Variants in RNF216 observed in about 807,000 individuals in gnomAD.
RNF216 encodes ring finger protein 216.
RNF216 carries 72 observed loss-of-function variants against 110.8 expected under a neutral mutation model. The observed-to-expected ratio is 0.65, with a 90% CI of 0.54 to 0.79. The LOEUF (loss-of-function observed/expected upper bound fraction) is 0.79. RNF216 is among the 30% of genes least tolerant of loss of function. The pLI, the probability that RNF216 is intolerant of heterozygous loss-of-function variation, is 0.00. For synonymous variants in RNF216, 495 were observed against 407.5 expected (o/e 1.21, Z -2.59); for missense variants, 1,342 against 1,141.2 (o/e 1.18, Z -2.54).
intron 1 of RNF216, among the ~76,000 whole-genome samples, chr7:5,780,637 A>G (rs1797028837): frequency 6.6e-6 from 1 of 151,692 alleles, no homozygotes; most frequent in African/African-American, 2.4e-5. Flanking sequence ...TCCGGGAGGC[A>G]GAGCTTGCAG....
chr7:5,775,136 C>CTGT (rs1475556361), intron 1 of RNF216: 1 of 152,172 alleles, frequency 6.6e-6, no homozygotes, highest in African/African-American at 2.4e-5. Flanking sequence ...AAGACTGGAG[C>CTGT]TGTTATTCAC....
rs1787720565 is a variant in RNF216 at position 5,641,323 on chromosome 7, C to T, written c.2213G>A (p.Gly738Asp). ...RIRKCHKCGT[G>D]LIKSEGCNRM... is the part of the protein sequence containing the mutation. The stretch of plus-strand genomic sequence containing the variant: ...GTTGCAGCCTTCAGATTTGATGAGG[C>T]CAGTCCCACACTTGTGGCATTTTCT... Residue 738 changes from glycine to aspartate, a missense_variant, in exon 15 of 17, where the codon GGC becomes GAC. Gly to Asp is a moderately conservative substitution (Grantham distance 94, BLOSUM62 -1). Coordinates refer to ENST00000389902, the MANE Select transcript of RNF216 (RefSeq NM_207111.4). The T allele has an allele frequency of 6.2e-7, 1 of 1,614,156 alleles. No homozygotes were observed.
At chr7:5,752,807 T>G in intron 3 of RNF216, 39 bp downstream of exon 3, 1 of 1,600,686 alleles carries the variant, frequency 6.2e-7, no homozygotes, top group Non-Finnish European at 8.5e-7. Context: ...GATCACCAAC[T>G]TGCAATAATG....
chr7:5,722,583 G>T (rs1434554515), intron 8 of RNF216, among the ~76,000 whole-genome samples: 1 of 151,010 alleles, frequency 6.6e-6, no homozygotes, highest in Non-Finnish European at 1.5e-5. Flanking sequence ...GTAAAGACGG[G>T]GTTTCACTGT....
Position 5,749,397 on chromosome 7 carries a change from C to T in RNF216, c.201+3449G>A, listed in dbSNP as rs1239370259. Among the ~76,000 whole-genome samples the T allele has an allele frequency of 2.0e-4, 31 of 152,060 alleles. 1 individual carries two copies. The highest frequency in any genetic ancestry group is 1.4e-3 in the Admixed American group (22 of 15,270). On this transcript the variant is annotated intron_variant, in intron 3 of 16. Coordinates refer to ENST00000389902, the MANE Select transcript of RNF216 (RefSeq NM_207111.4). ...AACTCCTGACCTCAAGTAATCCACT[C>T]GCCTCGGCCTCCCAAAGTGCTGGGA... is the stretch of plus-strand genomic sequence containing the variant.
intron 13 of RNF216, among the ~76,000 whole-genome samples, chr7:5,656,708 G>T (rs917168310): frequency 1.3e-5 from 2 of 152,140 alleles, no homozygotes; most frequent in African/African-American, 4.8e-5. Context: ...TGTTCATGAG[G>T]TCTTCACTTT....
At chr7:5,635,726 A>C (rs926688614) in intron 15 of RNF216, among the ~76,000 whole-genome samples, 2 of 152,236 alleles carry the variant, frequency 1.3e-5, no homozygotes, top group African/African-American at 4.8e-5. Flanking sequence ...TTTACTGGCC[A>C]CAGTCTTAAG....
At chr7:5,668,210 A>G (rs1476281988) in intron 13 of RNF216, among the ~76,000 whole-genome samples, 1 of 151,904 alleles carries the variant, frequency 6.6e-6, no homozygotes, top group Non-Finnish European at 1.5e-5. Flanking sequence ...TCTCAGAGTA[A>G]ATAGCAAAGC....
At chr7:5,740,411 C>A (rs1170719313) in intron 4 of RNF216, among the ~76,000 whole-genome samples, 1 of 152,082 alleles carries the variant, frequency 6.6e-6, no homozygotes, top group African/African-American at 2.4e-5. Context: ...CAGGTGTGAG[C>A]CAGCACGCCC....
chr7:5,624,892 G>C lies in RNF216; in HGVS notation c.2383-767C>G, dbSNP rs1189461587. On this transcript the variant is annotated intron_variant, in intron 15 of 16. Transcript: ENST00000389902. The surrounding 1 kb of genome is among the most constrained non-coding windows in gnomAD (Gnocchi z 4.4). ...ACATGCAGCTCCCACACCCCCACCT[G>C]CCAGCAGACACCATGGTGGGAGGAC... Among the ~76,000 whole-genome samples, 1 of 152,226 alleles carries C rather than the reference G, an allele frequency of 6.6e-6. No individual in the cohort carries two copies. Among genetic ancestry groups the C allele is most frequent in the East Asian group, 1.9e-4 (1 of 5,202 alleles).
chr7:5,684,651 G>A (rs1790866602), intron 13 of RNF216, among the ~76,000 whole-genome samples: 2 of 152,184 alleles, frequency 1.3e-5, no homozygotes, highest in Admixed American at 1.3e-4. Flanking sequence ...GGCTGTGGTG[G>A]CTGTCCCTTG....
intron 8 of RNF216, among the ~76,000 whole-genome samples, chr7:5,722,099 T>C (rs959820395): frequency 6.6e-6 from 1 of 152,152 alleles, no homozygotes; most frequent in African/African-American, 2.4e-5. Flanking sequence ...AATTTTTTTG[T>C]ATTTTTTTAG....
rs11319565 is a variant in RNF216 at position 5,671,805 on chromosome 7, C to CAAAAAAAAA, written c.2062-19304_2062-19296dup. 9.6e-4 allele frequency among the ~76,000 whole-genome samples: 52 copies of CAAAAAAAAA among 54,216 alleles called. 5 individuals carry two copies. The highest frequency in any genetic ancestry group is 3.9e-3 in the African/African-American group (48 of 12,378). 35.6% of individuals were successfully genotyped at this position (54,216 alleles called of 152,430 possible). The stretch of plus-strand genomic sequence containing the variant: ...GAGCAAAGAGACCAAAACTCCGTCT[C>CAAAAAAAAA]AAAAAAAAAAAAAAAAAAAAAAAAG... On this transcript the variant is annotated intron_variant, in intron 13 of 16. Coordinates refer to ENST00000389902, the MANE Select transcript of RNF216 (RefSeq NM_207111.4).
rs548642903 is a variant in RNF216 at position 5,729,588 on chromosome 7, T to C, written c.1233A>G (p.Lys411=). ...ATTTAGAATAGTCAAAAAAGTCTAT[T>C]TTAGGCAACTGAAATGAGAGAGAAG... The part of the protein sequence containing the change: ...LASQDETKLP[K]IDFFDYSKLT... The change falls in exon 7 of 17, where the codon AAA becomes AAG. Residue 411 remains lysine, a synonymous_variant. Transcript: ENST00000389902. 4.5e-5 allele frequency: 72 copies of C among 1,613,830 alleles called. No individual in the cohort carries two copies. In the East Asian group the frequency reaches 1.5e-3, roughly 34 times the overall value.
intron 1 of RNF216, among the ~76,000 whole-genome samples, chr7:5,766,419 G>A (rs1171391875): frequency 6.6e-6 from 1 of 151,880 alleles, no homozygotes; most frequent in African/African-American, 2.4e-5. Context: ...GGTATTTGGA[G>A]ATGGAGTCTG....
chr7:5,776,899 C>CAAA (rs754872404), intron 1 of RNF216, among the ~76,000 whole-genome samples: 48 of 83,266 alleles, frequency 5.8e-4, no homozygotes, highest in Non-Finnish European at 6.5e-4. Context: ...AGACTCTGTC[C>CAAA]AAAAAAAAAA....
At chr7:5,742,899 G>T (rs1251351922) in intron 3 of RNF216, among the ~76,000 whole-genome samples, 1 of 152,064 alleles carries the variant, frequency 6.6e-6, no homozygotes, top group African/African-American at 2.4e-5. Flanking sequence ...CTTGGCCGAT[G>T]TGTGAAAATT....
chr7:5,730,844 A>G, intron 5 of RNF216, 27 bp from the exon 6 acceptor site: 4 of 1,575,090 alleles, frequency 2.5e-6, no homozygotes, highest in Non-Finnish European at 3.5e-6. Flanking sequence ...TGTTACTTTC[A>G]TACTGCTTCC....
At position 5,655,563 on chromosome 7, in the gene RNF216, A is replaced by G. The variant is rs544668861; in HGVS notation, c.2062-3053T>C. 3.9e-5 allele frequency among the ~76,000 whole-genome samples: 6 copies of G among 152,080 alleles called. No homozygotes were observed. The South Asian group carries it at 1.0e-3, about 26-fold the overall frequency. On this transcript the variant is annotated intron_variant, in intron 13 of 16. Coordinates refer to ENST00000389902, the MANE Select transcript of RNF216 (RefSeq NM_207111.4). ...GGAGGTTGCAGTGAGCAGAGATCGC[A>G]CCACTGCACTCCAGCCTGGGCAACA...
Sources: gnomAD v4.1 joint callset for allele counts (sites outside exome capture counted in the v4.1 genomes callset) on GRCh38, gnomAD v4.1.1 for gene constraint, Gnocchi (gnomAD v3.1) non-coding constraint, MANE v1.5 for transcripts, NCBI Gene and HGNC (gene_info 2026-07-23, HGNC 2026-07-21) for gene names.